Variants in FAM228B observed in about 807,000 individuals in gnomAD.
The protein encoded by FAM228B is family with sequence similarity 228 member B.
In FAM228B, 38 loss-of-function variants were observed where a neutral mutation model predicts 42.6. The ratio of observed to expected loss-of-function variants is 0.89; its 90% confidence interval spans 0.69 to 1.17. The LOEUF (loss-of-function observed/expected upper bound fraction) is 1.17. Ranked by LOEUF, FAM228B falls within the 50% of genes most tolerant of loss-of-function variation. FAM228B has a pLI of 0.00. For synonymous variants in FAM228B, 109 were observed against 122.3 expected (o/e 0.89, Z 0.72); for missense variants, 344 against 367.3 (o/e 0.94, Z 0.52).
At chr2:24,081,749 C>T (rs1258133635) in intron 2 of FAM228B, among the ~76,000 whole-genome samples, 2 of 149,190 alleles carry the variant, frequency 1.3e-5, no homozygotes, top group Non-Finnish European at 3.0e-5. Flanking sequence ...AGTGCAGTGG[C>T]GCAATCTTGG....
rs531227603 is a variant in FAM228B at position 24,140,414 on chromosome 2, C to T, written c.441+964C>T. On this transcript the variant is annotated intron_variant, in intron 5 of 10. Transcript: ENST00000615575. Reference sequence around the variant, plus strand: ...CTGGTCTCAAACTCCTGACCTCAAGCGATTTGTCCTCCTTGGCCTCCCAAA... The same window carrying T: ...CTGGTCTCAAACTCCTGACCTCAAGTGATTTGTCCTCCTTGGCCTCCCAAA... Among the ~76,000 whole-genome samples the T allele has an allele frequency of 3.3e-5, 5 of 152,090 alleles. No homozygotes were observed. In the East Asian group the frequency reaches 7.8e-4, roughly 24 times the overall value.
At chr2:24,142,400 A>G (rs1383077506) in intron 5 of FAM228B, 1 of 152,160 alleles carries the variant, frequency 6.6e-6, no homozygotes, top group Non-Finnish European at 1.5e-5. Context: ...CTTCAGATGG[A>G]TCTTCAGCAT....
In FAM228B at chr2:24,169,549, G is replaced by C; in HGVS notation, c.*208G>C. ...TTTAATTTTTGAGTTCAGTGTCTGT[G>C]ATAATTAAGAAATGGCAATACCATG... On this transcript the variant is annotated 3_prime_UTR_variant, in exon 11 of 11. Transcript: ENST00000615575. The surrounding 1 kb of genome is among the most constrained non-coding windows in gnomAD (Gnocchi z 4.2). 1 of 284,730 alleles carries C rather than the reference G, an allele frequency of 3.5e-6. No homozygotes were observed. The allele number at this position is 284,730 out of a possible 1,614,324, so 17.6% of individuals were successfully genotyped here.
Position 24,077,426 on chromosome 2 carries a change from G to C in FAM228B, c.-290+457G>C. 1 of 944,082 alleles carries C rather than the reference G, an allele frequency of 1.1e-6. No homozygotes were observed. The allele number at this position is 944,082 out of a possible 1,614,324, so 58.5% of individuals were successfully genotyped here. ...CCGCCGCGGCGGCCCCAGTCCGCGT[G>C]CCACCCTTCCAGTTCACTCTTTATT... On this transcript the variant is annotated intron_variant, in intron 1 of 10. Coordinates refer to the FAM228B transcript ENST00000613899. This position sits in a 1 kb window ranked among gnomAD's most constrained non-coding sequence, Gnocchi z 5.5.
In FAM228B at chr2:24,134,282, A is replaced by G. The variant is rs1666525851; in HGVS notation, c.100-837A>G. ...TCATTATGGAAGAACACGAAAAAGA[A>G]CAGGAGATTGAATAGAAAGTCTTTC... On this transcript the variant is annotated intron_variant, in intron 2 of 10. Coordinates refer to ENST00000615575, the MANE Select transcript of FAM228B (RefSeq NM_001145710.2). Among the ~76,000 whole-genome samples, 4 of 152,214 alleles carry G rather than the reference A, an allele frequency of 2.6e-5. No individual in the cohort carries two copies. In the South Asian group the frequency reaches 8.3e-4, roughly 32 times the overall value.
chr2:24,124,216 G>C (rs1317199781), intron 1 of FAM228B, 114 bp from the exon 2 acceptor site: 1 of 577,078 alleles, frequency 1.7e-6, no homozygotes, highest in African/African-American at 1.9e-5. Context: ...AGGGAAACTG[G>C]ATGGTTAGTG....
chr2:24,078,617 C>T (rs1266512908), intron 1 of FAM228B, among the ~76,000 whole-genome samples: 1 of 152,108 alleles, frequency 6.6e-6, no homozygotes, highest in Non-Finnish European at 1.5e-5. Flanking sequence ...TCCCTTGTAC[C>T]TCCAAATGTG....
chr2:24,149,721 C>T (rs956543996), intron 7 of FAM228B, among the ~76,000 whole-genome samples: 2 of 152,222 alleles, frequency 1.3e-5, no homozygotes, highest in Non-Finnish European at 1.5e-5. Flanking sequence ...GTGTAAGCCA[C>T]TGCGCCCGGC....
intron 2 of FAM228B, among the ~76,000 whole-genome samples, chr2:24,128,237 G>A (rs72797818): frequency 0.15 from 22,212 of 151,884 alleles, 1,961 homozygotes; most frequent in South Asian, 0.21. Context: ...CTTTTGTTTC[G>A]TTTTTTGTTG....
intron 3 of FAM228B, among the ~76,000 whole-genome samples, chr2:24,109,716 CA>C (rs1272732521): frequency 6.6e-6 from 1 of 152,120 alleles, no homozygotes; most frequent in African/African-American, 2.4e-5. Flanking sequence ...TAGAGAAATG[CA>C]AATGAAAACT....
At chr2:24,096,763 A>T (rs752987391) in intron 3 of FAM228B, 4 of 152,230 alleles carry the variant, frequency 2.6e-5, no homozygotes, top group Non-Finnish European at 5.9e-5. Context: ...GCCAACATTC[A>T]AATTCAGAAA....
intron 2 of FAM228B, among the ~76,000 whole-genome samples, chr2:24,092,962 A>ACG (rs1558367814): frequency 6.6e-6 from 1 of 151,032 alleles, no homozygotes; most frequent in Non-Finnish European, 1.5e-5. Flanking sequence ...ACACACACAC[A>ACG]CACACCATGT....
At chr2:24,123,631 A>T (rs886974161) in intron 1 of FAM228B, 98 bp downstream of exon 1, 2 of 151,806 alleles carry the variant, frequency 1.3e-5, no homozygotes, top group African/African-American at 4.8e-5. Context: ...CCGAGTGTGT[A>T]GCAGGACGGC....
At chr2:24,144,378 G>A (rs577976382) in intron 5 of FAM228B, among the ~76,000 whole-genome samples, 6 of 152,216 alleles carry the variant, frequency 3.9e-5, no homozygotes, top group African/African-American at 1.2e-4. Flanking sequence ...TTGAAGCTGC[G>A]GTGAGCCACT....
At chr2:24,098,689 A>G (rs200590285) in intron 3 of FAM228B, among the ~76,000 whole-genome samples, 43 of 150,966 alleles carry the variant, frequency 2.8e-4, no homozygotes, top group Admixed American at 5.3e-4. Flanking sequence ...TCACAGCCAA[A>G]TTCTACCAGA....
chr2:24,132,464 GTTTTT>G (rs548264853), intron 2 of FAM228B, among the ~76,000 whole-genome samples: 2 of 55,984 alleles, frequency 3.6e-5, no homozygotes, highest in Non-Finnish European at 7.2e-5. Flanking sequence ...TCCTGGGATT[GTTTTT>G]TTTTTTTTTT....
At chr2:24,129,306 C>CTTTTTTTTTT (rs57641483) in intron 2 of FAM228B, among the ~76,000 whole-genome samples, 2 of 139,434 alleles carry the variant, frequency 1.4e-5, no homozygotes, top group African/African-American at 2.6e-5. Context: ...TCTATTTTAT[C>CTTTTTTTTTT]TTTTTTTTTT....
chr2:24,100,839 A>C (rs751604549), intron 3 of FAM228B, among the ~76,000 whole-genome samples: 2 of 152,238 alleles, frequency 1.3e-5, no homozygotes, highest in Non-Finnish European at 2.9e-5. Context: ...CACTATTCAC[A>C]ATAGCAAAGA....
chr2:24,090,458 C>G (rs1186134206), intron 2 of FAM228B, among the ~76,000 whole-genome samples: 1 of 150,646 alleles, frequency 6.6e-6, no homozygotes, highest in African/African-American at 2.4e-5. Flanking sequence ...GTGGTGCACG[C>G]CTGTAGTCCC....
Sources: allele counts gnomAD v4.1 joint callset (sites outside exome capture counted in the v4.1 genomes callset), GRCh38; gene constraint gnomAD v4.1.1; non-coding constraint Gnocchi (gnomAD v3.1); transcripts MANE v1.5; gene names NCBI Gene and HGNC (gene_info 2026-07-23, HGNC 2026-07-21).